Variants in SEMA5A observed in about 807,000 individuals in gnomAD.
The protein encoded by SEMA5A is semaphorin-5A.
Under a neutral mutation model 135.5 loss-of-function variants are expected in SEMA5A, and 55 were observed. The ratio of observed to expected loss-of-function variants is 0.41; its 90% CI spans 0.33 to 0.51. The LOEUF is 0.51. Among genes scored for constraint, SEMA5A ranks in the 20% least tolerant of loss-of-function variants. The probability of loss-of-function intolerance (pLI) is 0.37; values close to 1 mark genes in which losing one functional copy is unlikely to be tolerated. For missense variants in SEMA5A, 1,290 were observed against 1,419.9 expected, an observed-to-expected ratio of 0.91 and a Z score of 1.47; for synonymous variants, 580 against 546.5, an observed-to-expected ratio of 1.06 and a Z score of -0.85.
intron 3 of SEMA5A, among the ~76,000 whole-genome samples, chr5:9,366,843 G>C (rs929210182): frequency 6.6e-6 from 1 of 152,200 alleles, no homozygotes; most frequent in Non-Finnish European, 1.5e-5. Context: ...AGATATAGTA[G>C]CCCTATGGGC....
At chr5:9,136,267 C>T (rs1175332937) in intron 13 of SEMA5A, among the ~76,000 whole-genome samples, 1 of 152,122 alleles carries the variant, frequency 6.6e-6, no homozygotes, top group East Asian at 1.9e-4. Flanking sequence ...ATTATCAAAT[C>T]AACACAGTTT....
intron 1 of SEMA5A, among the ~76,000 whole-genome samples, chr5:9,460,387 T>C (rs1488707514): frequency 6.6e-6 from 1 of 152,074 alleles, no homozygotes; most frequent in Non-Finnish European, 1.5e-5. Context: ...CAAGAAAAGA[T>C]GCAAGTCTAT....
intron 5 of SEMA5A, 86 bp from the exon 6 acceptor site, chr5:9,237,976 C>CTTGTTTATATTTTCCCTTTTATTT: frequency 8.1e-7 from 1 of 1,233,262 alleles, no homozygotes. Flanking sequence ...CACTGGTAAC[C>CTTGTTTATATTTTCCCTTTTATTT]AGATTAGGAA....
intron 1 of SEMA5A, among the ~76,000 whole-genome samples, chr5:9,441,765 C>T (rs1448127367): frequency 6.6e-6 from 1 of 152,048 alleles, no homozygotes; most frequent in African/African-American, 2.4e-5. Flanking sequence ...CAGCATGTGC[C>T]ACGATGACTA....
intron 5 of SEMA5A, among the ~76,000 whole-genome samples, chr5:9,269,872 T>C (rs1749880337): frequency 6.6e-6 from 1 of 152,092 alleles, no homozygotes; most frequent in Non-Finnish European, 1.5e-5. Context: ...ATGAACTCCA[T>C]CCAGTCCCCT....
rs1805997 is a variant in SEMA5A at position 9,246,040 on chromosome 5, T to C, written c.271-8150A>G. 9.7e-3 allele frequency among the ~76,000 whole-genome samples: 1,479 copies of C among 152,198 alleles called. 28 individuals carry two copies. The highest frequency in any genetic ancestry group is 0.034 in the African/African-American group (1,428 of 41,514). On this transcript the variant is annotated intron_variant, in intron 5 of 22. Coordinates refer to ENST00000382496, the MANE Select transcript of SEMA5A (RefSeq NM_003966.3). Reference sequence around the variant, plus strand: ...GGACATTATAATATCTGGTATAAAATTTAAAACCATGATTGTCAGACCTTG... The same window carrying C: ...GGACATTATAATATCTGGTATAAAACTTAAAACCATGATTGTCAGACCTTG...
intron 11 of SEMA5A, among the ~76,000 whole-genome samples, chr5:9,155,831 A>T (rs1417763531): frequency 2.0e-5 from 3 of 152,244 alleles, no homozygotes. Flanking sequence ...GTTTAAAAAA[A>T]TACATAAGCA....
intron 8 of SEMA5A, among the ~76,000 whole-genome samples, chr5:9,210,287 C>T (rs1746272749): frequency 6.6e-6 from 1 of 152,186 alleles, no homozygotes; most frequent in Non-Finnish European, 1.5e-5. Flanking sequence ...GGCTCCCCAG[C>T]TTTTAAGCCC....
intron 1 of SEMA5A, among the ~76,000 whole-genome samples, chr5:9,510,730 G>A (rs1736156737): frequency 6.6e-6 from 1 of 152,078 alleles, no homozygotes; most frequent in African/African-American, 2.4e-5. Context: ...AGAAAATTTT[G>A]CATGTATTGG....
chr5:9,391,523 G>T (rs1479506390), intron 2 of SEMA5A, among the ~76,000 whole-genome samples: 1 of 152,040 alleles, frequency 6.6e-6, no homozygotes, highest in African/African-American at 2.4e-5. Context: ...TCTACTTCCT[G>T]GCTGAGTCTT....
At chr5:9,180,888 T>C (rs985902395) in intron 11 of SEMA5A, among the ~76,000 whole-genome samples, 2 of 152,216 alleles carry the variant, frequency 1.3e-5, no homozygotes, top group African/African-American at 4.8e-5. Flanking sequence ...CTAGAGTACA[T>C]AGAACATTGT....
intron 1 of SEMA5A, among the ~76,000 whole-genome samples, chr5:9,527,576 C>T (rs564996775): frequency 5.0e-4 from 76 of 152,156 alleles, no homozygotes; most frequent in Non-Finnish European, 6.0e-4. Flanking sequence ...TTCAAGTGAA[C>T]AAAGACATTA....
At chr5:9,269,818 C>G (rs868417904) in intron 5 of SEMA5A, among the ~76,000 whole-genome samples, 38 of 152,200 alleles carry the variant, frequency 2.5e-4, no homozygotes, top group African/African-American at 7.7e-4. Context: ...TTCTAACACT[C>G]ACTTCTGAGT....
In SEMA5A at chr5:9,041,164, G is replaced by A. The variant is rs1735946453; in HGVS notation, c.*1733C>T. 1 of 152,172 alleles carries A rather than the reference G, an allele frequency of 6.6e-6. No homozygotes were observed. Among genetic ancestry groups the A allele is most frequent in the South Asian group, 2.1e-4 (1 of 4,830 alleles). 9.4% of individuals were successfully genotyped at this position (152,172 alleles called of 1,614,324 possible). A position where few individuals can be genotyped will look rare whatever the true frequency, so the allele number is the denominator to read the frequency against. On this transcript the variant is annotated 3_prime_UTR_variant, in exon 23 of 23. Coordinates refer to ENST00000382496, the MANE Select transcript of SEMA5A (RefSeq NM_003966.3). ...GTCATCTCTGTAAATCTGGGTATAT[G>A]AGAATATTTTGAACTCAACAATATT...
At chr5:9,302,101 G>A (rs921315072) in intron 5 of SEMA5A, among the ~76,000 whole-genome samples, 1 of 152,098 alleles carries the variant, frequency 6.6e-6, no homozygotes, top group African/African-American at 2.4e-5. Flanking sequence ...CTGTGTGTGT[G>A]TAATCTTCTT....
intron 8 of SEMA5A, among the ~76,000 whole-genome samples, chr5:9,219,471 A>G (rs1448924216): frequency 6.6e-6 from 1 of 152,108 alleles, no homozygotes; most frequent in Non-Finnish European, 1.5e-5. Flanking sequence ...ATGTAACTAT[A>G]CTCAAAAACA....
At chr5:9,392,058 C>T (rs1756185460) in intron 2 of SEMA5A, among the ~76,000 whole-genome samples, 1 of 152,210 alleles carries the variant, frequency 6.6e-6, no homozygotes, top group South Asian at 2.1e-4. Flanking sequence ...GCAGATGGCG[C>T]TTGCTGGCCC....
At chr5:9,465,835 T>C (rs182114928) in intron 1 of SEMA5A, among the ~76,000 whole-genome samples, 2 of 152,310 alleles carry the variant, frequency 1.3e-5, no homozygotes, top group Admixed American at 1.3e-4. Flanking sequence ...TTTTGGGTCC[T>C]TGGGAAAAAC....
chr5:9,430,039 G>A (rs1757802880), intron 2 of SEMA5A, among the ~76,000 whole-genome samples: 1 of 152,218 alleles, frequency 6.6e-6, no homozygotes, highest in Non-Finnish European at 1.5e-5. Flanking sequence ...GAGCTTAGCT[G>A]AGGCAGGGAG....
Sources: gnomAD v4.1 joint callset for allele counts (sites outside exome capture counted in the v4.1 genomes callset) on GRCh38, gnomAD v4.1.1 for gene constraint, MANE v1.5 for transcripts, NCBI Gene and HGNC (gene_info 2026-07-23, HGNC 2026-07-21) for gene names.